Variants in TRIM33 observed in about 807,000 individuals in gnomAD.
TRIM33 encodes the protein tripartite motif containing 33, also known as E3 ubiquitin-protein ligase TRIM33.
A neutral mutation model predicts 125.4 loss-of-function variants in TRIM33; 20 were observed. The observed-to-expected ratio is 0.16, with a 90% CI of 0.11 to 0.23. TRIM33 has a LOEUF of 0.23. Ranked by LOEUF, TRIM33 falls within the 10% of genes least tolerant of loss-of-function variation. TRIM33 has a pLI of 1.00. For synonymous variants in TRIM33, 564 were observed against 513.9 expected (o/e 1.10, Z -1.32); for missense variants, 920 against 1,411.4 (o/e 0.65, Z 5.58).
At chr1:114,479,671 C>T (rs1468824013) in intron 1 of TRIM33, among the ~76,000 whole-genome samples, 1 of 152,170 alleles carries the variant, frequency 6.6e-6, no homozygotes. Flanking sequence ...ATGTAACAAT[C>T]ATGACTATAA....
Position 114,479,640 on chromosome 1 carries a change from A to T in TRIM33, c.527-15252T>A, listed in dbSNP as rs187282856. ...AAAGGAAGTCTGTCAGGATGACAGG[A>T]AATAAAACCAGACTATATAAATGTA... On this transcript the variant is annotated intron_variant, in intron 1 of 19. Transcript: ENST00000358465. 2.9e-3 allele frequency among the ~76,000 whole-genome samples: 449 copies of T among 152,362 alleles called. 4 individuals carry two copies. The highest frequency in any genetic ancestry group is 0.01 in the African/African-American group (424 of 41,584).
chr1:114,395,277 T>A lies in TRIM33; in HGVS notation c.*2371A>T, dbSNP rs1416650564. The A allele has an allele frequency of 4.9e-6, 1 of 204,912 alleles. No homozygotes were observed. The highest frequency in any genetic ancestry group is 1.0e-5 in the Non-Finnish European group (1 of 100,168). The allele number at this position is 204,912 out of a possible 1,614,324, so 12.7% of individuals were successfully genotyped here. On this transcript the variant is annotated 3_prime_UTR_variant, in exon 20 of 20. Coordinates refer to ENST00000358465, the MANE Select transcript of TRIM33 (RefSeq NM_015906.4). ...TTATCTTAACAGAAGTGGAGGCTAT[T>A]AAATGTTGACAAAAAAGTGGCTTTT...
chr1:114,474,578 TAA>T (rs34473575), intron 1 of TRIM33, among the ~76,000 whole-genome samples: 10 of 78,968 alleles, frequency 1.3e-4, no homozygotes, highest in South Asian at 5.2e-4. Flanking sequence ...TGTCTCTATT[TAA>T]AAAAAAAAAA....
rs1651601571 is a variant in TRIM33 at position 114,397,532 on chromosome 1, G to T, written c.*116C>A. On this transcript the variant is annotated 3_prime_UTR_variant, in exon 20 of 20. Transcript: ENST00000358465. Reference sequence around the variant, plus strand: ...AAAAGCTATCAGCTTCTTCAAGGAGGTGCCCACTGTAGGCAGGATATTCCA... The same window carrying T: ...AAAAGCTATCAGCTTCTTCAAGGAGTTGCCCACTGTAGGCAGGATATTCCA... 2 of 694,866 alleles carry T rather than the reference G, an allele frequency of 2.9e-6. No homozygotes were observed. Among genetic ancestry groups the T allele is most frequent in the South Asian group, 3.7e-5 (2 of 54,124 alleles). 43.0% of individuals were successfully genotyped at this position (694,866 alleles called of 1,614,324 possible). A position where few individuals can be genotyped will look rare whatever the true frequency, so the allele number is the denominator to read the frequency against.
chr1:114,472,512 C>T (rs534018991), intron 1 of TRIM33, among the ~76,000 whole-genome samples: 37 of 152,286 alleles, frequency 2.4e-4, no homozygotes, highest in Non-Finnish European at 5.1e-4. Context: ...GCGGGCAGAT[C>T]GCTTCAGTCT....
At chr1:114,507,954 T>C (rs535626428) in intron 1 of TRIM33, among the ~76,000 whole-genome samples, 1 of 152,168 alleles carries the variant, frequency 6.6e-6, no homozygotes, top group African/African-American at 2.4e-5. Flanking sequence ...CCGTCTCTAC[T>C]AAAAACAGAA....
In TRIM33 at chr1:114,405,654, G is replaced by C; in HGVS notation, c.2524C>G (p.Pro842Ala). The C allele has an allele frequency of 6.2e-7, 1 of 1,614,154 alleles. No homozygotes were observed. The change falls in exon 15 of 20, where the codon CCT (proline) becomes GCT (alanine). Residue 842 changes from proline (P) to alanine (A), a missense_variant. Pro to Ala is a conservative substitution (Grantham distance 27, BLOSUM62 -1). Transcript: ENST00000358465. ...TTGCAGCTTTCATTCATATCTGCAGGTTCAATTTTCACATGGTTTTCCAGG... is the reference window on the plus strand; with the variant it reads ...TTGCAGCTTTCATTCATATCTGCAGCTTCAATTTTCACATGGTTTTCCAGG... ...ASLENHVKIE[P>A]ADMNESCKQS...
At chr1:114,403,630 C>T (rs1048625115) in intron 15 of TRIM33, among the ~76,000 whole-genome samples, 18 of 152,194 alleles carry the variant, frequency 1.2e-4, no homozygotes, top group African/African-American at 3.4e-4. Context: ...CTCTGCCTCC[C>T]GGGTTCAAGC....
At chr1:114,445,094 A>T (rs1328225646) in intron 4 of TRIM33, among the ~76,000 whole-genome samples, 2 of 152,238 alleles carry the variant, frequency 1.3e-5, no homozygotes, top group African/African-American at 2.4e-5. Flanking sequence ...GTATGTGACC[A>T]TCAACACACA....
intron 1 of TRIM33, among the ~76,000 whole-genome samples, chr1:114,479,891 C>T (rs1651203205): frequency 6.6e-6 from 1 of 152,056 alleles, no homozygotes; most frequent in Non-Finnish European, 1.5e-5. Flanking sequence ...GCCGCCGCCC[C>T]ATCCGGAAGG....
At chr1:114,474,796 G>A (rs1029635951) in intron 1 of TRIM33, among the ~76,000 whole-genome samples, 1 of 151,654 alleles carries the variant, frequency 6.6e-6, no homozygotes, top group East Asian at 2.0e-4. Flanking sequence ...GGAGGCTGAG[G>A]CAGGAGAATT....
At chr1:114,446,375 CTTTTT>C in intron 4 of TRIM33, among the ~76,000 whole-genome samples, 1 of 148,374 alleles carries the variant, frequency 6.7e-6, no homozygotes, top group East Asian at 2.0e-4. Context: ...TAAAAGACAG[CTTTTT>C]TTTTTAAGTA....
chr1:114,471,445 A>C (rs1257243598), intron 1 of TRIM33, among the ~76,000 whole-genome samples: 1 of 147,836 alleles, frequency 6.8e-6, no homozygotes, highest in East Asian at 2.0e-4. Context: ...TTCTGTCTCA[A>C]AAAAAAAAAA....
intron 1 of TRIM33, among the ~76,000 whole-genome samples, chr1:114,503,079 T>G (rs1652804153): frequency 6.6e-6 from 1 of 152,254 alleles, no homozygotes; most frequent in South Asian, 2.1e-4. Context: ...GTGGATATTT[T>G]TCTTTGATAT....
rs1314629953 is a variant in TRIM33, at chr1:114,405,480, A to G, written c.2698T>C (p.Leu900=). 8 of 1,614,170 alleles carry G rather than the reference A, an allele frequency of 5.0e-6. No individual in the cohort carries two copies. The highest frequency in any genetic ancestry group is 1.3e-5 in the African/African-American group (1 of 75,056). ...ACCTTTGGACATTTTTCGCAGCACA[A>G]GAGATCTCCTCCGTTTTGGCAGACA... ...CAVCQNGGDL[L]CCEKCPKVFH... is the part of the protein sequence containing the mutation. The change falls in exon 15 of 20, where the codon TTG becomes CTG. Residue 900 remains leucine (L), a synonymous_variant. Coordinates refer to ENST00000358465, the MANE Select transcript of TRIM33 (RefSeq NM_015906.4).
intron 1 of TRIM33, among the ~76,000 whole-genome samples, chr1:114,497,547 C>T (rs1212180507): frequency 1.3e-5 from 2 of 152,158 alleles, no homozygotes; most frequent in African/African-American, 2.4e-5. Context: ...GTGATCTGTC[C>T]ACTTTGGCCT....
At chr1:114,407,345 C>G (rs1026521061) in intron 13 of TRIM33, among the ~76,000 whole-genome samples, 7 of 150,674 alleles carry the variant, frequency 4.6e-5, no homozygotes, top group Admixed American at 2.0e-4. Context: ...GCACTTTCTT[C>G]ACACACACAC....
intron 5 of TRIM33, among the ~76,000 whole-genome samples, chr1:114,433,314 A>C (rs191019648): frequency 1.3e-5 from 2 of 152,260 alleles, no homozygotes; most frequent in Admixed American, 1.3e-4. Flanking sequence ...TCTTCCACAC[A>C]ATCTCCACTT....
chr1:114,402,171 GGA>G (rs1392873898), intron 16 of TRIM33, among the ~76,000 whole-genome samples: 1 of 152,142 alleles, frequency 6.6e-6, no homozygotes, highest in African/African-American at 2.4e-5. Flanking sequence ...AGTAAAGTAA[GGA>G]GAGAGTTTCC....
Sources: gnomAD v4.1 joint callset for allele counts (sites outside exome capture counted in the v4.1 genomes callset) on GRCh38, gnomAD v4.1.1 for gene constraint, MANE v1.5 for transcripts, NCBI Gene and HGNC (gene_info 2026-07-23, HGNC 2026-07-21) for gene names.